The following MGAT5 variants were observed in gnomAD, a reference collection of about 807,000 sequenced individuals.
The protein encoded by MGAT5 is alpha-1,6-mannosylglycoprotein 6-beta-N-acetylglucosaminyltransferase, also known as alpha-1,6-mannosylglycoprotein 6-beta-N-acetylglucosaminyltransferase A.
MGAT5 carries 30 observed loss-of-function variants against 94.3 expected under a neutral mutation model. The observed-to-expected ratio is 0.32, with a 90% CI of 0.24 to 0.43. The LOEUF is 0.43. Among genes scored for constraint, MGAT5 ranks in the 20% least tolerant of loss-of-function variants. The pLI, the probability that MGAT5 is intolerant of heterozygous loss-of-function variation, is 1.00. For missense variants in MGAT5, 691 were observed against 905.5 expected (o/e 0.76, Z 3.04); for synonymous variants, 310 against 322.9 (o/e 0.96, Z 0.43).
intron 14 of MGAT5, among the ~76,000 whole-genome samples, chr2:134,432,075 TCCCTATC>T (rs1684913302): frequency 6.6e-6 from 1 of 152,228 alleles, no homozygotes; most frequent in South Asian, 2.1e-4. Flanking sequence ...GCACTGTTGT[TCCCTATC>T]CTCAGTATGT....
rs548895146 is a variant in MGAT5 at position 134,347,228 on chromosome 2, G to T, written c.1112+2164G>T. ...AGACCAAGTCCAGTGTCCTGTCTGTGCTTTGTAAATTAAACCTAGATAAGC... is the reference window on the plus strand; with the variant it reads ...AGACCAAGTCCAGTGTCCTGTCTGTTCTTTGTAAATTAAACCTAGATAAGC... On this transcript the variant is annotated intron_variant, in intron 8 of 15. Transcript: ENST00000281923. Among the ~76,000 whole-genome samples the T allele has an allele frequency of 1.7e-4, 26 of 152,306 alleles. 1 individual carries two copies. Among genetic ancestry groups the T allele is most frequent in the Admixed American group, 1.5e-3 (23 of 15,296 alleles).
chr2:134,355,845 A>T (rs1679699166), intron 9 of MGAT5, among the ~76,000 whole-genome samples: 1 of 152,108 alleles, frequency 6.6e-6, no homozygotes, highest in Admixed American at 6.6e-5. Flanking sequence ...CTTTCCCTAG[A>T]GTTGATGGCT....
At chr2:134,432,491 G>A (rs1362891470) in intron 14 of MGAT5, among the ~76,000 whole-genome samples, 2 of 152,206 alleles carry the variant, frequency 1.3e-5, no homozygotes, top group African/African-American at 4.8e-5. Context: ...CCAAAGGTGG[G>A]AGCAATGGTA....
At chr2:134,328,228 C>G (rs1420337192) in intron 4 of MGAT5, among the ~76,000 whole-genome samples, 2 of 152,074 alleles carry the variant, frequency 1.3e-5, no homozygotes, top group South Asian at 4.1e-4. Context: ...TGCACCCCCC[C>G]TCACCCCTGA....
intron 1 of MGAT5, among the ~76,000 whole-genome samples, chr2:134,123,545 T>C (rs1685711847): frequency 6.6e-6 from 1 of 152,172 alleles, no homozygotes; most frequent in African/African-American, 2.4e-5. Context: ...TTCCTCCTTG[T>C]GTGTCATGGG....
rs868750483 is a variant in MGAT5 at position 134,352,442 on chromosome 2, G to A, written c.1246+2504G>A. Among the ~76,000 whole-genome samples the A allele has an allele frequency of 5.3e-5, 8 of 152,184 alleles. No homozygotes were observed. In the South Asian group the frequency reaches 1.2e-3, roughly 24 times the overall value. On this transcript the variant is annotated intron_variant, in intron 9 of 15. Transcript: ENST00000281923. ...TATTTTAAGTGATAAGAGCCAACGT[G>A]CAGGACAATGTAGAGCTACTCCCTT...
intron 2 of MGAT5, among the ~76,000 whole-genome samples, chr2:134,278,842 T>G (rs1257893628): frequency 6.6e-6 from 1 of 152,208 alleles, no homozygotes; most frequent in Non-Finnish European, 1.5e-5. Flanking sequence ...TCTGGCTGAC[T>G]CTTCTTTACC....
intron 9 of MGAT5, among the ~76,000 whole-genome samples, chr2:134,353,323 C>T (rs982248960): frequency 1.3e-5 from 2 of 152,110 alleles, no homozygotes; most frequent in African/African-American, 4.8e-5. Flanking sequence ...ACTTAAGTGG[C>T]TTTAAAAGAC....
chr2:134,200,265 G>T (rs1573851033), intron 1 of MGAT5, among the ~76,000 whole-genome samples: 1 of 151,880 alleles, frequency 6.6e-6, no homozygotes, highest in East Asian at 1.9e-4. Context: ...TCACGCTTGA[G>T]GGGTTTAAAC....
chr2:134,259,170 A>G (rs1269483044), intron 1 of MGAT5, among the ~76,000 whole-genome samples: 1 of 152,228 alleles, frequency 6.6e-6, no homozygotes, highest in Non-Finnish European at 1.5e-5. Flanking sequence ...CTGTCAGTCC[A>G]GAGAGGAGTG....
chr2:134,238,605 T>C (rs1681787440), intron 1 of MGAT5, among the ~76,000 whole-genome samples: 1 of 152,246 alleles, frequency 6.6e-6, no homozygotes, highest in South Asian at 2.1e-4. Flanking sequence ...CATTGTGCGA[T>C]GCTTCCACGC....
chr2:134,190,683 G>A lies in MGAT5; in HGVS notation c.-142-63579G>A, dbSNP rs1689321534. ...TGTTTTTTTCAGACAGTCTCTCTTT[G>A]CCCAGGCTGGAGTGCCGTGGCATGA... On this transcript the variant is annotated intron_variant, in intron 1 of 16. Coordinates refer to the MGAT5 transcript ENST00000409645. 3.3e-5 allele frequency among the ~76,000 whole-genome samples: 5 copies of A among 152,074 alleles called. No individual in the cohort carries two copies. In the South Asian group the frequency reaches 1.0e-3, roughly 32 times the overall value.
At chr2:134,391,011 A>G (rs891758938) in intron 10 of MGAT5, among the ~76,000 whole-genome samples, 2 of 152,134 alleles carry the variant, frequency 1.3e-5, no homozygotes, top group African/African-American at 4.8e-5. Flanking sequence ...GCATGTGTCA[A>G]TTGAGCAACT....
At chr2:134,385,670 A>G (rs1285617395) in intron 10 of MGAT5, among the ~76,000 whole-genome samples, 2 of 152,234 alleles carry the variant, frequency 1.3e-5, no homozygotes, top group Admixed American at 6.5e-5. Context: ...GGTTTTTAAA[A>G]GGTACACACG....
chr2:134,180,792 C>T (rs1446980633), intron 1 of MGAT5, among the ~76,000 whole-genome samples: 3 of 151,960 alleles, frequency 2.0e-5, no homozygotes, highest in African/African-American at 7.3e-5. Flanking sequence ...TCTTTAGGGG[C>T]CAGGAGTTTT....
intron 1 of MGAT5, among the ~76,000 whole-genome samples, chr2:134,141,197 C>T (rs1036190213): frequency 6.6e-6 from 1 of 152,180 alleles, no homozygotes; most frequent in Non-Finnish European, 1.5e-5. Flanking sequence ...AGAAGACCCT[C>T]ACCAGATGCC....
Position 134,323,430 on chromosome 2 carries a change from G to C in MGAT5, c.573+4691G>C, listed in dbSNP as rs116503568. On this transcript the variant is annotated intron_variant, in intron 4 of 15. Transcript: ENST00000281923. ...GGATTTTAATATCCACAGGGGTCTT[G>C]AAACCAGTCCCCAACAGATACTGTG... is the stretch of plus-strand genomic sequence containing the variant. Among the ~76,000 whole-genome samples the C allele has an allele frequency of 7.1e-3, 1,088 of 152,168 alleles. 10 individuals are homozygous for C. Among genetic ancestry groups the C allele is most frequent in the African/African-American group, 0.025 (1,018 of 41,536 alleles).
intron 1 of MGAT5, among the ~76,000 whole-genome samples, chr2:134,230,640 GT>G (rs1463862121): frequency 6.6e-6 from 1 of 152,158 alleles, no homozygotes; most frequent in South Asian, 2.1e-4. Flanking sequence ...TTAAAAAATT[GT>G]TAAAGAGACA....
At chr2:134,162,434 G>A (rs994340114) in intron 1 of MGAT5, among the ~76,000 whole-genome samples, 7 of 152,106 alleles carry the variant, frequency 4.6e-5, no homozygotes, top group African/African-American at 1.2e-4. Context: ...GGGTTTTAAT[G>A]GAATTAAAAC....
Sources: gnomAD v4.1 joint callset for allele counts (sites outside exome capture counted in the v4.1 genomes callset) on GRCh38, gnomAD v4.1.1 for gene constraint, MANE v1.5 for transcripts, NCBI Gene and HGNC (gene_info 2026-07-23, HGNC 2026-07-21) for gene names.